AHI1: variants seen among roughly 807,000 people sequenced by gnomAD.
AHI1 encodes jouberin.
A neutral mutation model predicts 149.3 loss-of-function variants in AHI1; 123 were observed. The ratio of observed to expected loss-of-function variants is 0.82; its 90% CI spans 0.71 to 0.96. AHI1 has a LOEUF of 0.96. AHI1 is among the 40% of genes least tolerant of loss of function. The pLI is 0.00. For missense variants in AHI1, 1,439 were observed against 1,422.7 expected, an observed-to-expected ratio of 1.01 and a Z score of -0.18; for synonymous variants, 475 against 459.8, an observed-to-expected ratio of 1.03 and a Z score of -0.42.
At chr6:135,352,985 A>G (rs761999915) in intron 24 of AHI1, among the ~76,000 whole-genome samples, 4 of 151,948 alleles carry the variant, frequency 2.6e-5, no homozygotes, top group Non-Finnish European at 4.4e-5. Context: ...GAATTTTAAG[A>G]GTTTTTCAGG....
At chr6:135,342,318 T>C (rs1325987774) in intron 24 of AHI1, among the ~76,000 whole-genome samples, 11 of 151,978 alleles carry the variant, frequency 7.2e-5, no homozygotes, top group African/African-American at 1.9e-4. Flanking sequence ...GAATGCATCA[T>C]TGGTGAATTG....
At chr6:135,403,738 T>G (rs1780349854) in intron 22 of AHI1, among the ~76,000 whole-genome samples, 2 of 152,232 alleles carry the variant, frequency 1.3e-5, no homozygotes, top group Non-Finnish European at 2.9e-5. Flanking sequence ...ATCATTGCTA[T>G]CAGGAACGTT....
Sources: gnomAD v4.1 joint callset for allele counts (sites outside exome capture counted in the v4.1 genomes callset) on GRCh38, gnomAD v4.1.1 for gene constraint, MANE v1.5 for transcripts, NCBI Gene and HGNC (gene_info 2026-07-23, HGNC 2026-07-21) for gene names.